The following HMMR variants were observed in gnomAD, a reference collection of about 807,000 sequenced individuals.
HMMR encodes hyaluronan mediated motility receptor.
A neutral mutation model predicts 101.0 loss-of-function variants in HMMR; 108 were observed. That is an observed-to-expected ratio of 1.07 (90% CI 0.92 to 1.25). HMMR has a LOEUF of 1.25. Ranked by LOEUF, HMMR falls within the 50% of genes most tolerant of loss-of-function variation. The pLI is 0.00. For missense variants in HMMR, 813 were observed against 788.7 expected (o/e 1.03, Z -0.37); for synonymous variants, 296 against 276.4 (o/e 1.07, Z -0.70).
intron 16 of HMMR, among the ~76,000 whole-genome samples, chr5:163,489,615 C>T (rs1370721122): frequency 1.3e-5 from 2 of 152,072 alleles, no homozygotes; most frequent in East Asian, 1.9e-4. Context: ...TGGTGTAGAA[C>T]CATCCCCCTC....
chr5:163,488,145 C>T (rs1245592477), intron 16 of HMMR, among the ~76,000 whole-genome samples: 2 of 152,188 alleles, frequency 1.3e-5, no homozygotes, highest in Non-Finnish European at 2.9e-5. Flanking sequence ...TGAGCCACTG[C>T]ACCTGGCCAA....
At chr5:163,474,536 A>G (rs549257608) in intron 10 of HMMR, 1 of 460,696 alleles carries the variant, frequency 2.2e-6, no homozygotes, top group East Asian at 6.7e-5. Context: ...AGAAGAAACA[A>G]AGCAATTTTT....
intron 5 of HMMR, among the ~76,000 whole-genome samples, chr5:163,470,912 T>C (rs1365120762): frequency 6.6e-6 from 1 of 152,128 alleles, no homozygotes; most frequent in Non-Finnish European, 1.5e-5. Flanking sequence ...GAGGATTGAT[T>C]GAGCCCAGGA....
At chr5:163,462,333 A>ACCAC (rs1758566062) in intron 1 of HMMR, among the ~76,000 whole-genome samples, 1 of 151,708 alleles carries the variant, frequency 6.6e-6, no homozygotes, top group South Asian at 2.1e-4. Context: ...CCAGTACTCC[A>ACCAC]GCCTGGGTGA....
At chr5:163,468,492 A>G (rs1407901120) in intron 4 of HMMR, among the ~76,000 whole-genome samples, 1 of 152,172 alleles carries the variant, frequency 6.6e-6, no homozygotes, top group Non-Finnish European at 1.5e-5. Flanking sequence ...ATTGCTGACC[A>G]ACTCTTTTCC....
At chr5:163,475,866 G>A (rs1047919083) in intron 11 of HMMR, among the ~76,000 whole-genome samples, 194 bp downstream of exon 11, 1 of 152,138 alleles carries the variant, frequency 6.6e-6, no homozygotes, top group Non-Finnish European at 1.5e-5. Flanking sequence ...ATGCAAACAA[G>A]TAAGACAGCC....
chr5:163,474,639 G>T, intron 10 of HMMR: 1 of 454,624 alleles, frequency 2.2e-6, no homozygotes, highest in Non-Finnish European at 4.4e-6. Context: ...AACAGAGAAG[G>T]AGAAGTTCTG....
intron 9 of HMMR, 74 bp from the exon 10 acceptor site, chr5:163,473,983 T>C: frequency 8.4e-7 from 1 of 1,194,516 alleles, no homozygotes; most frequent in Non-Finnish European, 1.2e-6. Context: ...TAATGGAATA[T>C]TATGGGAGTC....
chr5:163,483,216 G>C, intron 14 of HMMR, 44 bp downstream of exon 14: 1 of 1,596,596 alleles, frequency 6.3e-7, no homozygotes, highest in Non-Finnish European at 8.6e-7. Context: ...ACTCAGTTAC[G>C]ATGTGATTTT....
chr5:163,487,403 C>T (rs76227029), intron 16 of HMMR, among the ~76,000 whole-genome samples: 1,662 of 151,626 alleles, frequency 0.011, 25 homozygotes, highest in African/African-American at 0.038. Context: ...TTTTTAATGT[C>T]TGTCTCATTT....
intron 1 of HMMR, among the ~76,000 whole-genome samples, chr5:163,463,413 G>A (rs2113452472): frequency 6.6e-6 from 1 of 152,270 alleles, no homozygotes; most frequent in East Asian, 1.9e-4. Flanking sequence ...ATTGATATTA[G>A]CCAGAGATGG....
chr5:163,474,762 T>C (rs988217121), intron 10 of HMMR, among the ~76,000 whole-genome samples: 1 of 152,066 alleles, frequency 6.6e-6, no homozygotes, highest in Non-Finnish European at 1.5e-5. Flanking sequence ...CACAAAATAC[T>C]GGTGAGAGTT....
chr5:163,469,650 C>G lies in HMMR; in HGVS notation c.283C>G (p.Leu95Val). The change falls in exon 5 of 18, where the codon CTT (leucine) becomes GTT (valine). Residue 95 changes from leucine (L) to valine (V), a missense_variant. Leu to Val is a conservative substitution (Grantham distance 32). Coordinates refer to ENST00000393915, the MANE Select transcript of HMMR (RefSeq NM_001142556.2). Reference sequence around the variant, plus strand: ...CCTTGTTTTTGTCCAGATTCGTGTTCTTCTACAGGAACGTGGTGCCCAGGA... The same window carrying G: ...CCTTGTTTTTGTCCAGATTCGTGTTGTTCTACAGGAACGTGGTGCCCAGGA... ...LKILEKEIRV[L>V]LQERGAQDRR... 6.2e-7 allele frequency: 1 copy of G among 1,611,026 alleles called. No homozygotes were observed. Among genetic ancestry groups the G allele is most frequent in the Non-Finnish European group, 8.5e-7 (1 of 1,179,098 alleles).
chr5:163,466,769 T>C (rs976270321), intron 3 of HMMR, among the ~76,000 whole-genome samples: 2 of 152,180 alleles, frequency 1.3e-5, no homozygotes, highest in African/African-American at 4.8e-5. Flanking sequence ...ATATTTGATA[T>C]GTTGGGTTAA....
At chr5:163,475,726 G>T in intron 11 of HMMR, 54 bp downstream of exon 11, 3 of 882,908 alleles carry the variant, frequency 3.4e-6, no homozygotes, top group Non-Finnish European at 5.1e-6. Context: ...TATTTATTTT[G>T]AGTACTTTTT....
rs761074709 is a variant in HMMR at position 163,473,361 on chromosome 5, T to C, written c.726-18T>C. 6.3e-6 allele frequency: 10 copies of C among 1,594,038 alleles called. No individual in the cohort carries two copies. The highest frequency in any genetic ancestry group is 7.7e-6 in the Non-Finnish European group (9 of 1,166,800). On this transcript the variant is annotated intron_variant, in intron 8 of 17. Coordinates refer to ENST00000393915, the MANE Select transcript of HMMR (RefSeq NM_001142556.2). ...GCCTAAATAGATGTGCTTTTTAAGATAATTTGTTTTAATGCAGTTGTGCTT... is the reference window on the plus strand; with the variant it reads ...GCCTAAATAGATGTGCTTTTTAAGACAATTTGTTTTAATGCAGTTGTGCTT...
At chr5:163,484,847 A>G (rs182636679) in intron 16 of HMMR, among the ~76,000 whole-genome samples, 109 of 152,234 alleles carry the variant, frequency 7.2e-4, no homozygotes, top group African/African-American at 2.6e-3. Flanking sequence ...TGGACCTGGC[A>G]TATTCATGGA....
intron 16 of HMMR, 42 bp downstream of exon 16, chr5:163,484,287 G>A: frequency 9.4e-7 from 1 of 1,063,130 alleles, no homozygotes; most frequent in East Asian, 2.5e-5. Context: ...ATATTGGAGT[G>A]GGGGTTATTC....
intron 16 of HMMR, among the ~76,000 whole-genome samples, chr5:163,488,694 G>A (rs1204429980): frequency 6.6e-6 from 1 of 152,176 alleles, no homozygotes; most frequent in Non-Finnish European, 1.5e-5. Flanking sequence ...CATAGTGACT[G>A]TAAACTCCAG....
Sources: allele counts gnomAD v4.1 joint callset (sites outside exome capture counted in the v4.1 genomes callset), GRCh38; gene constraint gnomAD v4.1.1; transcripts MANE v1.5; gene names NCBI Gene and HGNC (gene_info 2026-07-23, HGNC 2026-07-21).